CCSER1: variants seen among roughly 807,000 people sequenced by gnomAD.
CCSER1 encodes the protein serine-rich coiled-coil domain-containing protein 1.
In CCSER1, 41 loss-of-function variants were observed where a neutral mutation model predicts 82.0. The ratio of observed to expected loss-of-function variants is 0.50; its 90% CI spans 0.39 to 0.65. The LOEUF (loss-of-function observed/expected upper bound fraction) is 0.65, where lower values mean the gene tolerates loss of function less well. Among genes scored for constraint, CCSER1 ranks in the 30% least tolerant of loss-of-function variants. The pLI is 0.00. For synonymous variants in CCSER1, 414 were observed against 383.9 expected, an observed-to-expected ratio of 1.08 and a Z score of -0.92; for missense variants, 1,119 against 1,064.2, an observed-to-expected ratio of 1.05 and a Z score of -0.72.
At chr4:90,325,169 T>C (rs1299754903) in intron 3 of CCSER1, among the ~76,000 whole-genome samples, 1 of 152,210 alleles carries the variant, frequency 6.6e-6, no homozygotes, top group Admixed American at 6.5e-5. Flanking sequence ...GGTGTTCCGA[T>C]GTGGGGACAA....
intron 9 of CCSER1, among the ~76,000 whole-genome samples, chr4:90,964,808 C>A (rs1490974476): frequency 2.7e-5 from 4 of 150,854 alleles, no homozygotes; most frequent in African/African-American, 9.8e-5. Context: ...TCTGGAAATC[C>A]ACCAAAGGCT....
intron 1 of CCSER1, among the ~76,000 whole-genome samples, chr4:90,227,515 T>C (rs1743410876): frequency 6.6e-6 from 1 of 152,216 alleles, no homozygotes. Context: ...GTAAAAGACA[T>C]CTATTTAAAT....
At chr4:90,896,116 G>A (rs1362455603) in intron 8 of CCSER1, among the ~76,000 whole-genome samples, 2 of 152,050 alleles carry the variant, frequency 1.3e-5, no homozygotes, top group South Asian at 2.1e-4. Context: ...CTTATAACCA[G>A]AAAAATGTGA....
At chr4:91,360,486 T>C (rs1005679293) in intron 10 of CCSER1, among the ~76,000 whole-genome samples, 14 of 151,848 alleles carry the variant, frequency 9.2e-5, no homozygotes, top group African/African-American at 2.2e-4. Flanking sequence ...ATGCATCCAT[T>C]CATGTTTAAT....
intron 5 of CCSER1, among the ~76,000 whole-genome samples, chr4:90,604,651 G>T (rs1007311761): frequency 6.6e-6 from 1 of 152,184 alleles, no homozygotes; most frequent in Non-Finnish European, 1.5e-5. Flanking sequence ...TGGGGTCTTG[G>T]AGAACTTTTA....
At chr4:91,304,582 A>G (rs921424110) in intron 10 of CCSER1, among the ~76,000 whole-genome samples, 5 of 152,010 alleles carry the variant, frequency 3.3e-5, no homozygotes, top group African/African-American at 1.2e-4. Flanking sequence ...GCACATTTTC[A>G]CACATCACAT....
chr4:91,549,078 T>C (rs191349544), intron 10 of CCSER1, among the ~76,000 whole-genome samples: 1 of 152,244 alleles, frequency 6.6e-6, no homozygotes, highest in Non-Finnish European at 1.5e-5. Flanking sequence ...TGTTTGCTTT[T>C]TAATTTTGGA....
intron 10 of CCSER1, among the ~76,000 whole-genome samples, chr4:91,475,498 C>T (rs1757543612): frequency 6.6e-6 from 1 of 151,572 alleles, no homozygotes. Flanking sequence ...GGTAATAATA[C>T]CTTCTATTGT....
intron 10 of CCSER1, among the ~76,000 whole-genome samples, chr4:91,174,198 A>G (rs561638194): frequency 6.6e-6 from 1 of 152,282 alleles, no homozygotes; most frequent in Non-Finnish European, 1.5e-5. Flanking sequence ...AGCTTAAATA[A>G]CACATTCTAT....
At chr4:91,406,385 C>G (rs1168631147) in intron 10 of CCSER1, among the ~76,000 whole-genome samples, 1 of 152,126 alleles carries the variant, frequency 6.6e-6, no homozygotes, top group African/African-American at 2.4e-5. Flanking sequence ...TTATGACATT[C>G]TAGTTAACAT....
chr4:90,635,410 A>G (rs1014932663), intron 6 of CCSER1, among the ~76,000 whole-genome samples: 3 of 151,676 alleles, frequency 2.0e-5, no homozygotes, highest in Admixed American at 6.6e-5. Context: ...ATAATAAAAT[A>G]ACTATAAAAG....
chr4:91,315,246 A>T (rs777582550), intron 10 of CCSER1, among the ~76,000 whole-genome samples: 74 of 151,982 alleles, frequency 4.9e-4, no homozygotes, highest in Admixed American at 6.6e-4. Context: ...TGGCTTCTGA[A>T]TTGGCCCTCA....
intron 4 of CCSER1, among the ~76,000 whole-genome samples, chr4:90,425,923 TAAA>T (rs369805175): frequency 4.7e-5 from 7 of 148,104 alleles, no homozygotes; most frequent in South Asian, 2.1e-4. Context: ...CTATTTTTTT[TAAA>T]AAAAAAACGT....
chr4:91,083,674 C>A (rs1318038611), intron 9 of CCSER1, among the ~76,000 whole-genome samples: 3 of 151,720 alleles, frequency 2.0e-5, no homozygotes, highest in Non-Finnish European at 2.9e-5. Flanking sequence ...AAAATAATAT[C>A]AAAATTAAAC....
chr4:91,474,755 ACACATG>A (rs1317070350), intron 10 of CCSER1, among the ~76,000 whole-genome samples: 6 of 135,532 alleles, frequency 4.4e-5, no homozygotes, highest in African/African-American at 1.4e-4. Flanking sequence ...ACACACACAC[ACACATG>A]TGTGTGTATA....
intron 6 of CCSER1, among the ~76,000 whole-genome samples, chr4:90,705,591 C>T (rs1020711459): frequency 2.6e-5 from 4 of 152,208 alleles, no homozygotes; most frequent in African/African-American, 9.6e-5. Flanking sequence ...CAGAGGCAGG[C>T]AGGCTTCCTT....
chr4:90,876,134 C>T (rs1767174673), intron 8 of CCSER1, among the ~76,000 whole-genome samples: 1 of 151,836 alleles, frequency 6.6e-6, no homozygotes, highest in Admixed American at 6.6e-5. Context: ...CCCCTTTTTC[C>T]CCTCTCTCCA....
At chr4:91,020,253 A>T (rs941876798) in intron 9 of CCSER1, among the ~76,000 whole-genome samples, 1 of 152,238 alleles carries the variant, frequency 6.6e-6, no homozygotes, top group African/African-American at 2.4e-5. Context: ...GTTGCTACAG[A>T]CCCACATCCC....
intron 8 of CCSER1, among the ~76,000 whole-genome samples, chr4:90,877,704 GGAAAAAAAAA>G (rs919788013): frequency 6.7e-6 from 1 of 149,084 alleles, no homozygotes; most frequent in Non-Finnish European, 1.5e-5. Context: ...GAGAATAGAA[GGAAAAAAAAA>G]GAAAAAAAAA....
Sources: allele counts gnomAD v4.1 joint callset (sites outside exome capture counted in the v4.1 genomes callset), GRCh38; gene constraint gnomAD v4.1.1; transcripts MANE v1.5; gene names NCBI Gene and HGNC (gene_info 2026-07-23, HGNC 2026-07-21).